Variants in CNTNAP5 observed in about 807,000 individuals in gnomAD.
The protein encoded by CNTNAP5 is contactin associated protein family member 5, also known as contactin-associated protein-like 5.
In CNTNAP5, 72 loss-of-function variants were observed where a neutral mutation model predicts 150.2. The ratio of observed to expected loss-of-function variants is 0.48; its 90% CI spans 0.40 to 0.58. CNTNAP5 has a LOEUF of 0.58. Ranked by LOEUF, CNTNAP5 falls within the 20% of genes least tolerant of loss-of-function variation. CNTNAP5 has a pLI of 0.00. For synonymous variants in CNTNAP5, 672 were observed against 619.8 expected (o/e 1.08, Z -1.25); for missense variants, 1,636 against 1,626.2 (o/e 1.01, Z -0.10).
intron 4 of CNTNAP5, among the ~76,000 whole-genome samples, chr2:124,422,534 G>A (rs530120351): frequency 3.3e-5 from 5 of 152,260 alleles, no homozygotes; most frequent in South Asian, 4.1e-4. Flanking sequence ...CCCCTGACTC[G>A]ACAAGATAGT....
At chr2:124,592,918 G>T (rs975354086) in intron 11 of CNTNAP5, among the ~76,000 whole-genome samples, 1 of 151,158 alleles carries the variant, frequency 6.6e-6, no homozygotes, top group Non-Finnish European at 1.5e-5. Flanking sequence ...TTTGTTTATT[G>T]TATCTTTTGC....
At chr2:124,615,578 A>T (rs1193914964) in intron 12 of CNTNAP5, among the ~76,000 whole-genome samples, 2 of 152,178 alleles carry the variant, frequency 1.3e-5, no homozygotes, top group Non-Finnish European at 2.9e-5. Flanking sequence ...CACTGAAGTA[A>T]TGAACTTCTC....
At chr2:124,180,148 C>A (rs910850136) in intron 1 of CNTNAP5, among the ~76,000 whole-genome samples, 1 of 152,164 alleles carries the variant, frequency 6.6e-6, no homozygotes, top group African/African-American at 2.4e-5. Context: ...ACAAACAATG[C>A]ATGAACATGC....
At chr2:124,858,350 A>G (rs1274606155) in intron 19 of CNTNAP5, among the ~76,000 whole-genome samples, 1 of 152,238 alleles carries the variant, frequency 6.6e-6, no homozygotes, top group Non-Finnish European at 1.5e-5. Context: ...AAGCAACTTC[A>G]GCAAAGTCTC....
At chr2:124,265,921 A>G (rs971090352) in intron 3 of CNTNAP5, among the ~76,000 whole-genome samples, 1 of 152,098 alleles carries the variant, frequency 6.6e-6, no homozygotes, top group African/African-American at 2.4e-5. Context: ...AAGGGGACAA[A>G]CTGCAAAGTC....
intron 11 of CNTNAP5, among the ~76,000 whole-genome samples, chr2:124,582,916 A>G (rs1449555116): frequency 6.6e-6 from 1 of 152,210 alleles, no homozygotes; most frequent in Non-Finnish European, 1.5e-5. Flanking sequence ...TGCAGAAAAT[A>G]AATAAGTAAT....
At chr2:124,730,322 CGT>C (rs1334499499) in intron 13 of CNTNAP5, among the ~76,000 whole-genome samples, 3 of 150,576 alleles carry the variant, frequency 2.0e-5, no homozygotes, top group Non-Finnish European at 4.4e-5. Flanking sequence ...CAGGTGTGCG[CGT>C]GTGTGTGTGG....
chr2:124,706,740 C>T (rs1037144441), intron 13 of CNTNAP5, among the ~76,000 whole-genome samples: 4 of 113,446 alleles, frequency 3.5e-5, no homozygotes, highest in Admixed American at 1.1e-4. Flanking sequence ...GAGTGAGACT[C>T]TGTTTCAAGA....
intron 6 of CNTNAP5, among the ~76,000 whole-genome samples, chr2:124,447,846 C>G (rs1692860520): frequency 6.6e-6 from 1 of 152,038 alleles, no homozygotes. Flanking sequence ...GTCAAACAGT[C>G]CAGTATTTAT....
At chr2:124,686,203 G>C (rs186903606) in intron 13 of CNTNAP5, among the ~76,000 whole-genome samples, 5 of 152,048 alleles carry the variant, frequency 3.3e-5, no homozygotes, top group Non-Finnish European at 7.4e-5. Flanking sequence ...ACTCAGCTGT[G>C]AGCTGGCAAC....
At chr2:124,138,624 T>A (rs1684031441) in intron 1 of CNTNAP5, among the ~76,000 whole-genome samples, 1 of 152,168 alleles carries the variant, frequency 6.6e-6, no homozygotes, top group South Asian at 2.1e-4. Context: ...GGCCAGAGCA[T>A]CTGGAGCTGG....
intron 3 of CNTNAP5, among the ~76,000 whole-genome samples, chr2:124,325,914 A>T (rs1167186758): frequency 1.3e-5 from 2 of 152,216 alleles, no homozygotes; most frequent in Non-Finnish European, 2.9e-5. Context: ...CTCTAAAATG[A>T]GTGAGATGGC....
At chr2:124,690,091 C>A (rs1432055352) in intron 13 of CNTNAP5, among the ~76,000 whole-genome samples, 1 of 151,758 alleles carries the variant, frequency 6.6e-6, no homozygotes, top group Non-Finnish European at 1.5e-5. Flanking sequence ...CTTTAAAAAC[C>A]TTATGTTAAG....
At chr2:124,070,221 A>G (rs1419669252) in intron 1 of CNTNAP5, among the ~76,000 whole-genome samples, 3 of 151,922 alleles carry the variant, frequency 2.0e-5, no homozygotes, top group Non-Finnish European at 2.9e-5. Flanking sequence ...TTATACCATC[A>G]GAAAAATATC....
At chr2:124,197,850 G>A (rs983780603) in intron 1 of CNTNAP5, among the ~76,000 whole-genome samples, 1 of 151,822 alleles carries the variant, frequency 6.6e-6, no homozygotes, top group African/African-American at 2.4e-5. Context: ...GAGTGGTGGC[G>A]GGTGCCTGTA....
intron 1 of CNTNAP5, among the ~76,000 whole-genome samples, chr2:124,072,874 T>C (rs993400763): frequency 6.6e-6 from 1 of 151,728 alleles, no homozygotes; most frequent in African/African-American, 2.4e-5. Context: ...AACTTACATA[T>C]AATTACAAAA....
At chr2:124,130,390 G>C (rs796976175) in intron 1 of CNTNAP5, among the ~76,000 whole-genome samples, 1 of 151,954 alleles carries the variant, frequency 6.6e-6, no homozygotes, top group Admixed American at 6.6e-5. Flanking sequence ...CACTGTGCTT[G>C]TTCAGTCTTT....
intron 7 of CNTNAP5, among the ~76,000 whole-genome samples, chr2:124,484,474 T>A (rs1693825707): frequency 6.6e-6 from 1 of 152,242 alleles, no homozygotes; most frequent in African/African-American, 2.4e-5. Flanking sequence ...TAAAGTTTTT[T>A]AAGCTGTCTC....
intron 1 of CNTNAP5, among the ~76,000 whole-genome samples, chr2:124,036,127 T>C (rs563870303): frequency 0.011 from 1,660 of 151,072 alleles, 33 homozygotes; most frequent in African/African-American, 0.038. Context: ...GGTTTCACCT[T>C]GTTAGCCAGG....
Sources: allele counts gnomAD v4.1 joint callset (sites outside exome capture counted in the v4.1 genomes callset), GRCh38; gene constraint gnomAD v4.1.1; transcripts MANE v1.5; gene names NCBI Gene and HGNC (gene_info 2026-07-23, HGNC 2026-07-21).